Variants in MECOM observed in about 807,000 individuals in gnomAD.
MECOM encodes the protein histone-lysine N-methyltransferase MECOM.
Under a neutral mutation model 116.3 loss-of-function variants are expected in MECOM, and 13 were observed. That is an observed-to-expected ratio of 0.11 (90% CI 0.07 to 0.18). The LOEUF (loss-of-function observed/expected upper bound fraction) is 0.18, where lower values mean the gene tolerates loss of function less well. MECOM is among the 10% of genes least tolerant of loss of function. The probability of loss-of-function intolerance (pLI) is 1.00; values close to 1 mark genes in which losing one functional copy is unlikely to be tolerated. For synonymous variants in MECOM, 528 were observed against 535.2 expected (o/e 0.99, Z 0.19); for missense variants, 1,299 against 1,509.0 (o/e 0.86, Z 2.31).
chr3:169,212,506 A>G (rs576021473), intron 2 of MECOM, among the ~76,000 whole-genome samples: 3 of 151,072 alleles, frequency 2.0e-5, no homozygotes, highest in East Asian at 3.9e-4. Context: ...ACAAATGACT[A>G]CTTGCCCTGT....
intron 2 of MECOM, among the ~76,000 whole-genome samples, chr3:169,150,677 G>A (rs1577190452): frequency 6.6e-6 from 1 of 152,288 alleles, no homozygotes; most frequent in Middle Eastern, 3.4e-3. Flanking sequence ...TGTTTAAAAA[G>A]AGAACCAGAT....
intron 2 of MECOM, among the ~76,000 whole-genome samples, chr3:169,152,370 A>T (rs1311335797): frequency 6.6e-6 from 1 of 152,226 alleles, no homozygotes; most frequent in East Asian, 1.9e-4. Context: ...GTTAATCTCC[A>T]CCTCAGTAAT....
chr3:169,616,852 AG>A (rs1770074399), intron 1 of MECOM, among the ~76,000 whole-genome samples: 1 of 152,250 alleles, frequency 6.6e-6, no homozygotes, highest in African/African-American at 2.4e-5. Flanking sequence ...CAGATGAAGT[AG>A]GTTTGTTGAA....
chr3:169,526,649 TA>T (rs1185591280), intron 1 of MECOM, among the ~76,000 whole-genome samples: 1 of 152,218 alleles, frequency 6.6e-6, no homozygotes, highest in Admixed American at 6.5e-5. Context: ...CAATTTGTTT[TA>T]TTTTTTTGTA....
chr3:169,648,355 T>C (rs1774438581), intron 1 of MECOM, among the ~76,000 whole-genome samples: 1 of 152,188 alleles, frequency 6.6e-6, no homozygotes, highest in Non-Finnish European at 1.5e-5. Flanking sequence ...CCTAGACATA[T>C]AATGCTCTTT....
At chr3:169,585,980 T>A (rs1053848720) in intron 1 of MECOM, among the ~76,000 whole-genome samples, 2 of 152,206 alleles carry the variant, frequency 1.3e-5, no homozygotes, top group African/African-American at 4.8e-5. Context: ...CTTCTCCCTA[T>A]CATATTCCTA....
chr3:169,515,598 A>T (rs980157510), intron 1 of MECOM, among the ~76,000 whole-genome samples: 3 of 152,194 alleles, frequency 2.0e-5, no homozygotes, highest in Non-Finnish European at 1.5e-5. Context: ...AATGAGTTAC[A>T]CAGGAGGCAT....
chr3:169,217,232 C>T (rs562372698), intron 2 of MECOM, among the ~76,000 whole-genome samples: 1 of 152,156 alleles, frequency 6.6e-6, no homozygotes, highest in East Asian at 1.9e-4. Flanking sequence ...CACCTCTTGC[C>T]TGCATACATG....
chr3:169,277,950 T>C (rs938000207), intron 2 of MECOM, among the ~76,000 whole-genome samples: 2 of 152,236 alleles, frequency 1.3e-5, no homozygotes, highest in Admixed American at 1.3e-4. Context: ...TTTTCTTTCC[T>C]AACCCTGAAG....
At chr3:169,547,237 T>C (rs1760832586) in intron 1 of MECOM, among the ~76,000 whole-genome samples, 1 of 152,194 alleles carries the variant, frequency 6.6e-6, no homozygotes, top group African/African-American at 2.4e-5. Context: ...TGTCTCGCTC[T>C]CTCTCTCCTG....
chr3:169,101,515 T>C (rs1723536083), intron 11 of MECOM, among the ~76,000 whole-genome samples: 1 of 152,038 alleles, frequency 6.6e-6, no homozygotes. Context: ...TATGCCTGAG[T>C]CAAATACCTA....
At chr3:169,545,490 A>T (rs1413190388) in intron 1 of MECOM, among the ~76,000 whole-genome samples, 1 of 152,250 alleles carries the variant, frequency 6.6e-6, no homozygotes, top group East Asian at 1.9e-4. Flanking sequence ...AAATAAAGAC[A>T]GTACACAAAA....
chr3:169,605,262 C>T (rs77414863), intron 1 of MECOM, among the ~76,000 whole-genome samples: 12 of 152,296 alleles, frequency 7.9e-5, no homozygotes, highest in African/African-American at 1.4e-4. Flanking sequence ...TTTAGATCCA[C>T]CTCTGAAAAA....
chr3:169,522,763 T>G (rs569970567), intron 1 of MECOM, among the ~76,000 whole-genome samples: 100 of 152,320 alleles, frequency 6.6e-4, no homozygotes, highest in Middle Eastern at 3.4e-3. Context: ...AAAAGAATAG[T>G]TAGGTAGATA....
At chr3:169,421,119 G>C (rs535005780) in intron 1 of MECOM, among the ~76,000 whole-genome samples, 43 of 152,210 alleles carry the variant, frequency 2.8e-4, no homozygotes, top group African/African-American at 8.4e-4. Flanking sequence ...CTAAGAGGTA[G>C]GACATGGTCT....
At chr3:169,558,227 C>G (rs1762255463) in intron 1 of MECOM, among the ~76,000 whole-genome samples, 1 of 152,250 alleles carries the variant, frequency 6.6e-6, no homozygotes, top group East Asian at 1.9e-4. Context: ...ACTAGGCATT[C>G]AGCAGATTTT....
intron 1 of MECOM, among the ~76,000 whole-genome samples, chr3:169,660,651 T>C (rs967400654): frequency 6.6e-6 from 1 of 152,182 alleles, no homozygotes; most frequent in Non-Finnish European, 1.5e-5. Context: ...TTTTAAAGTA[T>C]TGTAGTCACA....
intron 2 of MECOM, among the ~76,000 whole-genome samples, chr3:169,376,163 T>C (rs936824131): frequency 1.3e-5 from 2 of 152,132 alleles, no homozygotes; most frequent in Non-Finnish European, 2.9e-5. Context: ...AAACTAGGTA[T>C]TGATGGAACG....
At chr3:169,207,760 C>G (rs1245249171) in intron 2 of MECOM, among the ~76,000 whole-genome samples, 1 of 152,118 alleles carries the variant, frequency 6.6e-6, no homozygotes, top group Non-Finnish European at 1.5e-5. Flanking sequence ...GGTAATGTCT[C>G]ATGTCTTCTG....
Sources: allele counts gnomAD v4.1 joint callset (sites outside exome capture counted in the v4.1 genomes callset), GRCh38; gene constraint gnomAD v4.1.1; transcripts MANE v1.5; gene names NCBI Gene and HGNC (gene_info 2026-07-23, HGNC 2026-07-21).